The following ZNF248 variants were observed in gnomAD, a reference collection of about 807,000 sequenced individuals.
ZNF248 encodes the protein zinc finger protein 248, also known as KRAB protein domain.
A neutral mutation model predicts 44.3 loss-of-function variants in ZNF248; 20 were observed. The observed-to-expected ratio is 0.45, with a 90% CI of 0.32 to 0.66. ZNF248 has a LOEUF of 0.66. Ranked by LOEUF, ZNF248 falls within the 30% of genes least tolerant of loss-of-function variation. ZNF248 has a pLI of 0.04. For missense variants in ZNF248, 654 were observed against 677.0 expected, an observed-to-expected ratio of 0.97 and a Z score of 0.38; for synonymous variants, 224 against 229.0, an observed-to-expected ratio of 0.98 and a Z score of 0.20.
At chr10:37,850,839 T>A (rs918034729) in intron 3 of ZNF248, among the ~76,000 whole-genome samples, 1 of 151,904 alleles carries the variant, frequency 6.6e-6, no homozygotes, top group African/African-American at 2.4e-5. Context: ...ATATAACATA[T>A]AAAACTATAT....
chr10:37,788,697 A>G (rs1171854856), intron 6 of ZNF248, among the ~76,000 whole-genome samples: 1 of 152,196 alleles, frequency 6.6e-6, no homozygotes, highest in Non-Finnish European at 1.5e-5. Flanking sequence ...TAAACATACA[A>G]TAAGATACCA....
chr10:37,789,186 A>C (rs1340867690), intron 6 of ZNF248, among the ~76,000 whole-genome samples: 1 of 152,180 alleles, frequency 6.6e-6, no homozygotes. Context: ...TGGGTGATAT[A>C]AATGTAAAAT....
chr10:37,830,336 T>C lies in ZNF248; in HGVS notation c.*1279A>G, dbSNP rs961227915. 1.0e-6 allele frequency: 1 copy of C among 985,392 alleles called. No individual in the cohort carries two copies. Among genetic ancestry groups the C allele is most frequent in the Non-Finnish European group, 1.2e-6 (1 of 829,918 alleles). 61.0% of individuals were successfully genotyped at this position (985,392 alleles called of 1,614,324 possible). The stretch of plus-strand genomic sequence containing the variant: ...GATAGTTCAATAATGGCCATATTCA[T>C]GCATATATGCCAGGAAACAGTCAGA... On this transcript the variant is annotated 3_prime_UTR_variant, in exon 6 of 6. Transcript: ENST00000395867.
At chr10:37,855,553 T>G (rs745580257) in intron 3 of ZNF248, among the ~76,000 whole-genome samples, 5 of 151,958 alleles carry the variant, frequency 3.3e-5, no homozygotes, top group Non-Finnish European at 7.4e-5. Context: ...GATGCCTTCA[T>G]GAGGACTAGG....
At chr10:37,827,512 T>C (rs1246927879), downstream of ZNF248, among the ~76,000 whole-genome samples, 4 of 152,190 alleles carry the variant, frequency 2.6e-5, no homozygotes, top group African/African-American at 9.7e-5. Flanking sequence ...GAGACATTGG[T>C]TCTTTGTCAT....
At chr10:37,843,031 A>C (rs1357477569) in intron 3 of ZNF248, among the ~76,000 whole-genome samples, 1 of 152,198 alleles carries the variant, frequency 6.6e-6, no homozygotes, top group Non-Finnish European at 1.5e-5. Flanking sequence ...GACTGAGAGA[A>C]ATGTTTGTTG....
At chr10:37,773,546 TA>T (rs912802959), downstream of ZNF248, among the ~76,000 whole-genome samples, 6 of 152,156 alleles carry the variant, frequency 3.9e-5, no homozygotes. Flanking sequence ...GGGGATGCCA[TA>T]ACAAAGTACC....
intron 3 of ZNF248, among the ~76,000 whole-genome samples, chr10:37,839,334 A>G (rs1278663844): frequency 6.6e-6 from 1 of 152,190 alleles, no homozygotes; most frequent in Non-Finnish European, 1.5e-5. Flanking sequence ...AATAAATCAT[A>G]GCCATAAGTA....
At chr10:37,778,164 T>C (rs1461462396) in intron 6 of ZNF248, among the ~76,000 whole-genome samples, 2 of 152,132 alleles carry the variant, frequency 1.3e-5, no homozygotes, top group Non-Finnish European at 2.9e-5. Context: ...AGTGTAAAAG[T>C]GTTCCTATTT....
At chr10:37,780,618 T>C (rs1162011783) in intron 6 of ZNF248, among the ~76,000 whole-genome samples, 1 of 152,208 alleles carries the variant, frequency 6.6e-6, no homozygotes, top group Non-Finnish European at 1.5e-5. Flanking sequence ...TCCTCTGGCG[T>C]AGGGACTAAT....
At chr10:37,819,305 G>A (rs2053076974) in intron 6 of ZNF248, 5 of 1,003,296 alleles carry the variant, frequency 5.0e-6, no homozygotes, top group African/African-American at 1.6e-5. Context: ...TGTACAAAAT[G>A]AGTCAGTATC....
chr10:37,812,322 A>C lies in ZNF248; in HGVS notation c.330+20703T>G, dbSNP rs2051647595. 4.6e-5 allele frequency among the ~76,000 whole-genome samples: 7 copies of C among 152,150 alleles called. No homozygotes were observed. In the South Asian group the frequency reaches 1.5e-3, roughly 32 times the overall value. Reference sequence around the variant, plus strand: ...TGTAGACAAAAGTGTCTTTGGGAAAAAAAAAAGTGCCACAAAGGACATTTG... The same window carrying C: ...TGTAGACAAAAGTGTCTTTGGGAAACAAAAAAGTGCCACAAAGGACATTTG... On this transcript the variant is annotated intron_variant, in intron 6 of 6. Coordinates refer to the ZNF248 transcript ENST00000615949.
chr10:37,832,638 C>T lies in ZNF248; in HGVS notation c.717G>A (p.Glu239=). Residue 239 remains glutamate (E), a synonymous_variant, in exon 6 of 6, where the codon GAG becomes GAA. Coordinates refer to ENST00000395867, the MANE Select transcript of ZNF248 (RefSeq NM_021045.3). ...FFTNKRSQIG[E]TVCKYNECGR... is the part of the protein sequence containing the mutation. ...CACATTCGTTATATTTACAGACTGTCTCTCCTATCTGAGATCTCTTATTTG... is the reference window on the plus strand; with the variant it reads ...CACATTCGTTATATTTACAGACTGTTTCTCCTATCTGAGATCTCTTATTTG... 2 of 1,613,336 alleles carry T rather than the reference C, an allele frequency of 1.2e-6. No individual in the cohort carries two copies. The highest frequency in any genetic ancestry group is 4.5e-5 in the East Asian group (2 of 44,858).
chr10:37,826,079 T>C (rs946325415), downstream of ZNF248, among the ~76,000 whole-genome samples: 1 of 152,102 alleles, frequency 6.6e-6, no homozygotes. Flanking sequence ...TTTTAAGTAG[T>C]CGTAAAAATG....
chr10:37,819,902 C>T, intron 6 of ZNF248: 1 of 774,238 alleles, frequency 1.3e-6, no homozygotes, highest in Non-Finnish European at 2.4e-6. Context: ...TTCTGAAAAG[C>T]ATAACCATCT....
intron 6 of ZNF248, among the ~76,000 whole-genome samples, chr10:37,799,575 C>T (rs898181430): frequency 3.3e-5 from 5 of 152,186 alleles, no homozygotes; most frequent in East Asian, 1.9e-4. Flanking sequence ...AGAAAAATTC[C>T]AGTGTTTGCT....
At chr10:37,833,298 C>T (rs967607107) in intron 5 of ZNF248, among the ~76,000 whole-genome samples, 182 bp from the exon 6 acceptor site, 3 of 152,130 alleles carry the variant, frequency 2.0e-5, no homozygotes, top group Non-Finnish European at 4.4e-5. Flanking sequence ...AAACATAAAA[C>T]ATGCTTCAGT....
intron 6 of ZNF248, among the ~76,000 whole-genome samples, chr10:37,812,356 G>A (rs530825509): frequency 6.6e-6 from 1 of 152,234 alleles, no homozygotes; most frequent in African/African-American, 2.4e-5. Context: ...TGTTACTAAG[G>A]AAGAGAAATG....
chr10:37,851,042 T>C (rs1430433209), intron 3 of ZNF248, among the ~76,000 whole-genome samples: 2 of 151,950 alleles, frequency 1.3e-5, no homozygotes, highest in African/African-American at 2.4e-5. Flanking sequence ...AAACCACATA[T>C]CTGACAAAGG....
Sources: allele counts gnomAD v4.1 joint callset (sites outside exome capture counted in the v4.1 genomes callset), GRCh38; gene constraint gnomAD v4.1.1; transcripts MANE v1.5; gene names NCBI Gene and HGNC (gene_info 2026-07-23, HGNC 2026-07-21).